HMX1: variants seen among roughly 807,000 people sequenced by gnomAD.
HMX1 encodes the protein homeobox protein HMX1.
A neutral mutation model predicts 8.9 loss-of-function variants in HMX1; 8 were observed. That is an observed-to-expected ratio of 0.90 (90% confidence interval 0.53 to 1.63). HMX1 has a LOEUF of 1.63. HMX1 is among the 40% of genes most tolerant of loss of function. The pLI is 0.00. For synonymous variants in HMX1, 311 were observed against 283.4 expected (o/e 1.10, Z -0.98); for missense variants, 621 against 558.5 (o/e 1.11, Z -1.13).
At position 8,867,405 on chromosome 4, in the gene HMX1, C is replaced by A; in HGVS notation, c.*288G>T. The A allele has an allele frequency of 9.3e-7, 1 of 1,076,482 alleles. No individual in the cohort carries two copies. Among genetic ancestry groups the A allele is most frequent in the Non-Finnish European group, 1.1e-6 (1 of 889,674 alleles). The allele number at this position is 1,076,482 out of a possible 1,614,324, so 66.7% of individuals were successfully genotyped here. A position where few individuals can be genotyped will look rare whatever the true frequency, so the allele number is the denominator to read the frequency against. Reference sequence around the variant, plus strand: ...ATGGCCGACCGCTCCTCGCTGAGGCCGGGGGGTGGCCGTGGCGCCGGGGGC... The same window carrying A: ...ATGGCCGACCGCTCCTCGCTGAGGCAGGGGGGTGGCCGTGGCGCCGGGGGC... On this transcript the variant is annotated 3_prime_UTR_variant, in exon 2 of 2. Coordinates refer to ENST00000400677, the MANE Select transcript of HMX1 (RefSeq NM_018942.3).
At chr4:8,856,779 A>G (rs1721621510) in intron 1 of HMX1, among the ~76,000 whole-genome samples, 1 of 152,166 alleles carries the variant, frequency 6.6e-6, no homozygotes, top group African/African-American at 2.4e-5. Context: ...TACATACATC[A>G]TGAGGGAAAA....
Position 8,867,852 on chromosome 4 carries a change from A to T in HMX1, c.888T>A (p.Ala296=). ...YHESPPAAAA[A]GPPATLPFPL... ...GGAAGGGCAGGGTGGCCGGGGGCCC[A>T]GCGGCGGCTGCGGCCGGGGGGCTTT... Residue 296 remains alanine, a synonymous_variant, in exon 2 of 2, where the codon GCT becomes GCA. Transcript: ENST00000400677. The T allele has an allele frequency of 8.1e-7, 1 of 1,240,212 alleles. No homozygotes were observed. The highest frequency in any genetic ancestry group is 1.0e-6 in the Non-Finnish European group (1 of 993,838). The allele number at this position is 1,240,212 out of a possible 1,614,324, so 76.8% of individuals were successfully genotyped here. A position where few individuals can be genotyped will look rare whatever the true frequency, so the allele number is the denominator to read the frequency against.
Position 8,849,461 on chromosome 4 carries a change from G to A in HMX1, c.395-3137C>T, listed in dbSNP as rs1258842525. ...GATTGCCAGATGCCATCAGAAGCTGGAGGGGGCAGGAAGGGCTCTCCTCTA... is the reference window on the plus strand; with the variant it reads ...GATTGCCAGATGCCATCAGAAGCTGAAGGGGGCAGGAAGGGCTCTCCTCTA... On this transcript the variant is annotated intron_variant, in intron 1 of 1. Transcript: ENST00000506970. The surrounding 1 kb of genome is among the most constrained non-coding windows in gnomAD (Gnocchi z 6.6). Among the ~76,000 whole-genome samples, 3 of 152,084 alleles carry A rather than the reference G, an allele frequency of 2.0e-5. No individual in the cohort carries two copies. The highest frequency in any genetic ancestry group is 4.4e-5 in the Non-Finnish European group (3 of 68,040).
chr4:8,857,959 G>C (rs931412096), intron 1 of HMX1, among the ~76,000 whole-genome samples: 1 of 152,174 alleles, frequency 6.6e-6, no homozygotes. Flanking sequence ...CTCGGGGAGA[G>C]GAGGCGGAGG....
Position 8,868,340 on chromosome 4 carries a change from CGCTGG to C in HMX1, c.395_399del (p.Thr132ArgfsTer115). 7.2e-7 allele frequency: 1 copy of C among 1,384,426 alleles called. No individual in the cohort carries two copies. 85.8% of individuals were successfully genotyped at this position (1,384,426 alleles called of 1,614,324 possible). A position where few individuals can be genotyped will look rare whatever the true frequency, so the allele number is the denominator to read the frequency against. On this transcript the variant is annotated frameshift_variant and splice_region_variant, in exon 2 of 2. Coordinates refer to ENST00000400677, the MANE Select transcript of HMX1 (RefSeq NM_018942.3). LOFTEE classifies it low-confidence loss of function (END_TRUNC). The surrounding 1 kb of genome is among the most constrained non-coding windows in gnomAD (Gnocchi z 4.6). ...TCGCCCGTCTCCGGTGAGTCCCGGT[CGCTGG>C]CTGCAGGGGAGAGAGGGCACCACCG...
chr4:8,869,369 CT>C (rs1722135171), intron 1 of HMX1, among the ~76,000 whole-genome samples: 1 of 152,226 alleles, frequency 6.6e-6, no homozygotes, highest in African/African-American at 2.4e-5. Flanking sequence ...GGACCCGCTG[CT>C]TTTCTGCCTT....
Position 8,853,057 on chromosome 4 carries a change from C to T in HMX1, c.395-6733G>A, listed in dbSNP as rs1721502488. Among the ~76,000 whole-genome samples the T allele has an allele frequency of 6.6e-6, 1 of 152,118 alleles. No individual in the cohort carries two copies. Among genetic ancestry groups the T allele is most frequent in the South Asian group, 2.1e-4 (1 of 4,824 alleles). On this transcript the variant is annotated intron_variant, in intron 1 of 1. Coordinates refer to the HMX1 transcript ENST00000506970. This position sits in a 1 kb window ranked among gnomAD's most constrained non-coding sequence, Gnocchi z 4.7. ...ACACTAGCCCTGGGCTGCCCACCTC[C>T]CACTGTGGTCAGTGCCCTGTCAGCA...
rs560969864 is a variant in HMX1 at position 8,852,520 on chromosome 4, C to T, written c.395-6196G>A. 3.9e-5 allele frequency among the ~76,000 whole-genome samples: 6 copies of T among 152,362 alleles called. No individual in the cohort carries two copies. In the South Asian group the frequency reaches 6.2e-4, roughly 16 times the overall value. On this transcript the variant is annotated intron_variant, in intron 1 of 1. Transcript: ENST00000506970. ...CAATGCCCGGGCTCCCTGCTCTGCA[C>T]CACGCTGCCTCACAGGAGGCTGCAC...
downstream of HMX1, among the ~76,000 whole-genome samples, chr4:8,864,475 C>T (rs746263658): frequency 2.0e-5 from 3 of 152,156 alleles, no homozygotes; most frequent in Admixed American, 6.5e-5. Context: ...GGAGGCAGAT[C>T]GAAGCCATTC....
In HMX1 at chr4:8,847,895, G is replaced by C. The variant is rs1346967399; in HGVS notation, c.395-1571C>G. Among the ~76,000 whole-genome samples the C allele has an allele frequency of 6.6e-6, 1 of 152,190 alleles. No homozygotes were observed. Among genetic ancestry groups the C allele is most frequent in the Non-Finnish European group, 1.5e-5 (1 of 68,028 alleles). On this transcript the variant is annotated intron_variant, in intron 1 of 1. Coordinates refer to the HMX1 transcript ENST00000506970. This position sits in a 1 kb window ranked among gnomAD's most constrained non-coding sequence, Gnocchi z 6.0. ...AGAGGACCTGAGCTGAGAGCCAGTG[G>C]ATTAAGTTGAACTGGAATCAACGAG...
chr4:8,853,921 G>T lies in HMX1; in HGVS notation c.395-7597C>A, dbSNP rs1721530851. 6.6e-6 allele frequency among the ~76,000 whole-genome samples: 1 copy of T among 152,202 alleles called. No individual in the cohort carries two copies. The highest frequency in any genetic ancestry group is 1.5e-5 in the Non-Finnish European group (1 of 68,030). On this transcript the variant is annotated intron_variant, in intron 1 of 1. Transcript: ENST00000506970. This position sits in a 1 kb window ranked among gnomAD's most constrained non-coding sequence, Gnocchi z 4.7. ...ACTCTGAGATCAGATAAAAATGTATGAGTATTTTTAATCTTTTTATAAAGC... is the reference window on the plus strand; with the variant it reads ...ACTCTGAGATCAGATAAAAATGTATTAGTATTTTTAATCTTTTTATAAAGC...
Position 8,867,411 on chromosome 4 carries a change from GT to G in HMX1, c.*281del. The G allele has an allele frequency of 9.2e-7, 1 of 1,082,780 alleles. No individual in the cohort carries two copies. The highest frequency in any genetic ancestry group is 1.1e-6 in the Non-Finnish European group (1 of 893,740). The allele number at this position is 1,082,780 out of a possible 1,614,324, so 67.1% of individuals were successfully genotyped here. On this transcript the variant is annotated 3_prime_UTR_variant, in exon 2 of 2. Transcript: ENST00000400677. The stretch of plus-strand genomic sequence containing the variant: ...GACCGCTCCTCGCTGAGGCCGGGGG[GT>G]GGCCGTGGCGCCGGGGGCTGCGCAG...
At chr4:8,862,758 TAAAC>T (rs993751748), downstream of HMX1, among the ~76,000 whole-genome samples, 3 of 152,116 alleles carry the variant, frequency 2.0e-5, no homozygotes, top group South Asian at 2.1e-4. Context: ...TAATAAAAAA[TAAAC>T]AAAAACTCAG....
chr4:8,865,845 T>C (rs554169120), downstream of HMX1, among the ~76,000 whole-genome samples: 3 of 152,246 alleles, frequency 2.0e-5, no homozygotes, highest in East Asian at 1.9e-4. Flanking sequence ...AGGAAAGCAG[T>C]TGGGGCGCAG....
At chr4:8,855,837 C>T (rs1302021179) in intron 1 of HMX1, among the ~76,000 whole-genome samples, 2 of 152,114 alleles carry the variant, frequency 1.3e-5, no homozygotes, top group African/African-American at 4.8e-5. Flanking sequence ...CTGCAGAAGC[C>T]TCTGGACTTG....
Position 8,871,672 on chromosome 4 carries a change from G to A in HMX1, c.-58C>T, listed in dbSNP as rs1722231002. 8.6e-7 allele frequency: 1 copy of A among 1,156,810 alleles called. No individual in the cohort carries two copies. The allele number at this position is 1,156,810 out of a possible 1,614,324, so 71.7% of individuals were successfully genotyped here. ...TCCTCGGTCCCCGCTGGGGATGGTG[G>A]CGCGCGGCTCCCGGGCGCACGCGCG... is the stretch of plus-strand genomic sequence containing the variant. On this transcript the variant is annotated 5_prime_UTR_variant, in exon 1 of 2. Transcript: ENST00000400677. The surrounding 1 kb of genome is among the most constrained non-coding windows in gnomAD (Gnocchi z 4.8).
intron 1 of HMX1, among the ~76,000 whole-genome samples, chr4:8,860,068 G>A (rs997331948): frequency 9.2e-5 from 14 of 152,256 alleles, no homozygotes; most frequent in African/African-American, 3.4e-4. Context: ...CTGCGTCAGG[G>A]GCGAAGCCGA....
At position 8,867,738 on chromosome 4, in the gene HMX1, G is replaced by A; in HGVS notation, c.1002C>T (p.Ala334=). The A allele has an allele frequency of 7.8e-7, 1 of 1,289,966 alleles. No homozygotes were observed. Among genetic ancestry groups the A allele is most frequent in the Non-Finnish European group, 9.8e-7 (1 of 1,021,940 alleles). 79.9% of individuals were successfully genotyped at this position (1,289,966 alleles called of 1,614,324 possible). ...GCGCCCGCAGAAAGGGCACGGAGGC[G>A]GCGGCCGGGAAGGCGGCCAGCGGGT... is the stretch of plus-strand genomic sequence containing the variant. ...LAYPLAAFPA[A]ASVPFLRAQM... is the part of the protein sequence containing the mutation. The change falls in exon 2 of 2, where the codon GCC becomes GCT. Residue 334 remains alanine (A), a synonymous_variant. Transcript: ENST00000400677.
intron 1 of HMX1, among the ~76,000 whole-genome samples, chr4:8,869,378 C>G (rs1488842640): frequency 6.6e-6 from 1 of 152,246 alleles, no homozygotes; most frequent in Non-Finnish European, 1.5e-5. Context: ...GCTTTTCTGC[C>G]TTGGTCTGGA....
Sources: allele counts gnomAD v4.1 joint callset (sites outside exome capture counted in the v4.1 genomes callset), GRCh38; gene constraint gnomAD v4.1.1; non-coding constraint Gnocchi (gnomAD v3.1); transcripts MANE v1.5; gene names NCBI Gene and HGNC (gene_info 2026-07-23, HGNC 2026-07-21).